Variants in KCTD8 observed in about 807,000 individuals in gnomAD.
KCTD8 encodes the protein potassium channel tetramerization domain containing 8.
KCTD8 carries 27 observed loss-of-function variants against 31.5 expected under a neutral mutation model. The ratio of observed to expected loss-of-function variants is 0.86; its 90% CI spans 0.63 to 1.18. The LOEUF (loss-of-function observed/expected upper bound fraction) is 1.18, where lower values mean the gene tolerates loss of function less well. KCTD8 is among the 50% of genes most tolerant of loss of function. KCTD8 has a pLI of 0.00. For missense variants in KCTD8, 658 were observed against 647.7 expected, an observed-to-expected ratio of 1.02 and a Z score of -0.17; for synonymous variants, 290 against 280.0, an observed-to-expected ratio of 1.04 and a Z score of -0.36.
At chr4:44,183,114 A>G (rs915978407) in intron 1 of KCTD8, among the ~76,000 whole-genome samples, 1 of 152,220 alleles carries the variant, frequency 6.6e-6, no homozygotes, top group Non-Finnish European at 1.5e-5. Flanking sequence ...CTATGCACAT[A>G]TGAATTGCAG....
chr4:44,219,296 G>T (rs1462812875), intron 1 of KCTD8, among the ~76,000 whole-genome samples: 1 of 152,204 alleles, frequency 6.6e-6, no homozygotes, highest in Non-Finnish European at 1.5e-5. Flanking sequence ...GTTGTGGATT[G>T]AATTGTATAT....
At chr4:44,234,085 C>T (rs1715201441) in intron 1 of KCTD8, among the ~76,000 whole-genome samples, 1 of 147,432 alleles carries the variant, frequency 6.8e-6, no homozygotes, top group Admixed American at 6.9e-5. Context: ...TGTTTTAAGC[C>T]TCTTGCGTGT....
intron 1 of KCTD8, among the ~76,000 whole-genome samples, chr4:44,191,731 A>G (rs1713771102): frequency 6.6e-6 from 1 of 152,044 alleles, no homozygotes; most frequent in African/African-American, 2.4e-5. Context: ...TCTGCTCTTG[A>G]ACCCTGTTTT....
chr4:44,237,327 CCT>C (rs1715322248), intron 1 of KCTD8, among the ~76,000 whole-genome samples: 3 of 152,154 alleles, frequency 2.0e-5, no homozygotes, highest in Non-Finnish European at 4.4e-5. Context: ...TCCCTCCCTT[CCT>C]CTCTCTTTCT....
intron 1 of KCTD8, among the ~76,000 whole-genome samples, chr4:44,343,758 T>C (rs1718965078): frequency 1.3e-5 from 2 of 152,202 alleles, no homozygotes; most frequent in South Asian, 4.1e-4. Context: ...ATAATCACAT[T>C]AGTAAACTGT....
chr4:44,430,417 A>G (rs905793506), intron 1 of KCTD8, among the ~76,000 whole-genome samples: 12 of 151,932 alleles, frequency 7.9e-5, no homozygotes, highest in South Asian at 4.1e-4. Flanking sequence ...ATGTATTGAA[A>G]GAAAGTTATA....
chr4:44,276,845 A>T (rs1329603088), intron 1 of KCTD8, among the ~76,000 whole-genome samples: 1 of 151,968 alleles, frequency 6.6e-6, no homozygotes, highest in Non-Finnish European at 1.5e-5. Flanking sequence ...CATGAGACTT[A>T]CTTACTGAAA....
intron 1 of KCTD8, among the ~76,000 whole-genome samples, chr4:44,337,599 GGGA>G: frequency 6.6e-6 from 1 of 151,392 alleles, no homozygotes; most frequent in East Asian, 1.9e-4. Context: ...GTTTGAATCC[GGGA>G]GGAGGAGGTT....
chr4:44,297,882 T>C (rs1323751985), intron 1 of KCTD8, among the ~76,000 whole-genome samples: 2 of 152,200 alleles, frequency 1.3e-5, no homozygotes, highest in Non-Finnish European at 2.9e-5. Context: ...CTCCATGGAA[T>C]ATTTTACCTC....
At chr4:44,206,673 A>G (rs909152469) in intron 1 of KCTD8, among the ~76,000 whole-genome samples, 1 of 152,012 alleles carries the variant, frequency 6.6e-6, no homozygotes, top group East Asian at 1.9e-4. Context: ...GCATACCCCA[A>G]TGAGATTGAA....
chr4:44,250,708 G>A (rs1269969930), intron 1 of KCTD8, among the ~76,000 whole-genome samples: 2 of 151,618 alleles, frequency 1.3e-5, no homozygotes, highest in Non-Finnish European at 3.0e-5. Context: ...TGAATTTTCT[G>A]GATGTACCCT....
At chr4:44,272,494 G>T (rs1476262562) in intron 1 of KCTD8, among the ~76,000 whole-genome samples, 1 of 151,982 alleles carries the variant, frequency 6.6e-6, no homozygotes, top group Non-Finnish European at 1.5e-5. Context: ...TAAAATATGT[G>T]TAGAATGAAG....
intron 1 of KCTD8, among the ~76,000 whole-genome samples, chr4:44,250,022 C>A (rs951088323): frequency 2.6e-5 from 4 of 151,694 alleles, no homozygotes; most frequent in Non-Finnish European, 5.9e-5. Context: ...ATTTTGTAGA[C>A]ATCTTTTGCA....
At position 44,446,115 on chromosome 4, in the gene KCTD8, T is replaced by C. The variant is rs79111633; in HGVS notation, c.961+1448A>G. On this transcript the variant is annotated intron_variant, in intron 1 of 1. Coordinates refer to ENST00000360029, the MANE Select transcript of KCTD8 (RefSeq NM_198353.3). The stretch of plus-strand genomic sequence containing the variant: ...AATCCAGCATTACTTTAAAAAGTAG[T>C]CTAACTCTGAGAACCTGTGTGCTGT... Among the ~76,000 whole-genome samples the C allele has an allele frequency of 2.4e-3, 370 of 152,106 alleles. 2 individuals are homozygous for C. The highest frequency in any genetic ancestry group is 8.2e-3 in the African/African-American group (340 of 41,362).
At chr4:44,200,804 C>T (rs1221543631) in intron 1 of KCTD8, among the ~76,000 whole-genome samples, 2 of 151,964 alleles carry the variant, frequency 1.3e-5, no homozygotes, top group East Asian at 3.9e-4. Flanking sequence ...AAGTCCTAAC[C>T]AGAGCAATCA....
intron 1 of KCTD8, among the ~76,000 whole-genome samples, chr4:44,439,004 T>C (rs1307737663): frequency 6.6e-6 from 1 of 152,204 alleles, no homozygotes; most frequent in Admixed American, 6.5e-5. Flanking sequence ...ACAGCCAGAA[T>C]TTTTCAAGGT....
chr4:44,302,617 G>T (rs1717662494), intron 1 of KCTD8, among the ~76,000 whole-genome samples: 1 of 151,700 alleles, frequency 6.6e-6, no homozygotes, highest in African/African-American at 2.4e-5. Flanking sequence ...GGAGATTTTG[G>T]GCTGAGACAA....
intron 1 of KCTD8, among the ~76,000 whole-genome samples, chr4:44,264,128 T>G (rs1391948662): frequency 6.6e-6 from 1 of 152,216 alleles, no homozygotes; most frequent in Non-Finnish European, 1.5e-5. Flanking sequence ...AAAGGTGCTT[T>G]AAATTGTATC....
intron 1 of KCTD8, among the ~76,000 whole-genome samples, chr4:44,351,069 A>T (rs184034638): frequency 6.6e-6 from 1 of 152,214 alleles, no homozygotes; most frequent in Non-Finnish European, 1.5e-5. Flanking sequence ...TCTATAAAGG[A>T]ATTCTCTCCC....
Sources: allele counts gnomAD v4.1 joint callset (sites outside exome capture counted in the v4.1 genomes callset), GRCh38; gene constraint gnomAD v4.1.1; transcripts MANE v1.5; gene names NCBI Gene and HGNC (gene_info 2026-07-23, HGNC 2026-07-21).